The following INTS2 variants were observed in gnomAD, a reference collection of about 807,000 sequenced individuals.
The protein encoded by INTS2 is KIAA1287.
INTS2 carries 57 observed loss-of-function variants against 139.6 expected under a neutral mutation model. The observed-to-expected ratio is 0.41, with a 90% CI of 0.33 to 0.51. The LOEUF (loss-of-function observed/expected upper bound fraction) is 0.51, where lower values mean the gene tolerates loss of function less well. Ranked by LOEUF, INTS2 falls within the 20% of genes least tolerant of loss-of-function variation. The pLI, the probability that INTS2 is intolerant of heterozygous loss-of-function variation, is 0.28. For synonymous variants in INTS2, 473 were observed against 493.4 expected (o/e 0.96, Z 0.55); for missense variants, 1,196 against 1,436.7 (o/e 0.83, Z 2.71).
intron 4 of INTS2, 105 bp downstream of exon 4, chr17:61,921,620 G>T: frequency 2.0e-6 from 1 of 498,110 alleles, no homozygotes; most frequent in Non-Finnish European, 3.6e-6. Context: ...TAACATGTTT[G>T]TTATATGATC....
In INTS2 at chr17:61,871,656, G is replaced by A. The variant is rs540429392; in HGVS notation, c.2778+609C>T. Reference sequence around the variant, plus strand: ...CAGTAAATATTGGTTGAATGAGGCCGGGTGCCGTGGCTCATGCCTGTAATC... The same window carrying A: ...CAGTAAATATTGGTTGAATGAGGCCAGGTGCCGTGGCTCATGCCTGTAATC... On this transcript the variant is annotated intron_variant, in intron 20 of 24. Transcript: ENST00000251334. This position sits in a 1 kb window ranked among gnomAD's most constrained non-coding sequence, Gnocchi z 4.9. 3.9e-5 allele frequency among the ~76,000 whole-genome samples: 6 copies of A among 152,056 alleles called. No homozygotes were observed. The highest frequency in any genetic ancestry group is 1.9e-4 in the East Asian group (1 of 5,168).
At chr17:61,911,369 C>G (rs769199656) in intron 7 of INTS2, 151 bp downstream of exon 7, 15 of 549,254 alleles carry the variant, frequency 2.7e-5, no homozygotes, top group Non-Finnish European at 4.5e-5. Flanking sequence ...CTTTGGTATC[C>G]TTAGTGATTT....
rs2079073379 is a variant in INTS2, at chr17:61,869,670, A to C, written c.3030+67T>G. On this transcript the variant is annotated intron_variant, in intron 21 of 24. Transcript: ENST00000251334. This position sits in a 1 kb window ranked among gnomAD's most constrained non-coding sequence, Gnocchi z 5.4. ...TCTGGTTTCTAAATGATCCCTGTTAATATAGTATTCAAAGCCCCCAAGAAA... is the reference window on the plus strand; with the variant it reads ...TCTGGTTTCTAAATGATCCCTGTTACTATAGTATTCAAAGCCCCCAAGAAA... The C allele has an allele frequency of 1.3e-6, 2 of 1,529,166 alleles. No homozygotes were observed. The highest frequency in any genetic ancestry group is 2.4e-5 in the South Asian group (2 of 82,576). The allele number at this position is 1,529,166 out of a possible 1,614,324, so 94.7% of individuals were successfully genotyped here. A position where few individuals can be genotyped will look rare whatever the true frequency, so the allele number is the denominator to read the frequency against.
In INTS2 at chr17:61,895,426, G is replaced by GAA. The variant is rs768353688; in HGVS notation, c.1495-45_1495-44dup. On this transcript the variant is annotated intron_variant, in intron 11 of 24. Coordinates refer to ENST00000251334, the MANE Select transcript of INTS2 (RefSeq NM_001351695.2). ...ATTCCAACAGCATGTAAAAATATAT[G>GAA]AAACACAATTTATTCTAGGGAACTT... 4 of 1,190,568 alleles carry GAA rather than the reference G, an allele frequency of 3.4e-6. No homozygotes were observed. The East Asian group carries it at 9.9e-5, about 30-fold the overall frequency. The allele number at this position is 1,190,568 out of a possible 1,614,324, so 73.8% of individuals were successfully genotyped here. A position where few individuals can be genotyped will look rare whatever the true frequency, so the allele number is the denominator to read the frequency against.
At chr17:61,923,083 A>G (rs927505727) in intron 3 of INTS2, among the ~76,000 whole-genome samples, 10 of 152,114 alleles carry the variant, frequency 6.6e-5, no homozygotes, top group Admixed American at 6.6e-4. Flanking sequence ...TCTCAAAAAA[A>G]CAAACAAAAA....
In INTS2 at chr17:61,866,866, T is replaced by C. The variant is rs1319750140; in HGVS notation, c.*691A>G. 1 of 152,236 alleles carries C rather than the reference T, an allele frequency of 6.6e-6. No homozygotes were observed. The highest frequency in any genetic ancestry group is 1.5e-5 in the Non-Finnish European group (1 of 68,034). The allele number at this position is 152,236 out of a possible 1,614,324, so 9.4% of individuals were successfully genotyped here. On this transcript the variant is annotated 3_prime_UTR_variant, in exon 25 of 25. Coordinates refer to ENST00000251334, the MANE Select transcript of INTS2 (RefSeq NM_001351695.2). ...ACACCAGTATCTTAAAATTCCAAAT[T>C]ATTCAAGTATCTCTTTAAACATATG...
intron 12 of INTS2, among the ~76,000 whole-genome samples, chr17:61,894,789 A>G (rs571548948): frequency 2.0e-5 from 3 of 152,234 alleles, no homozygotes; most frequent in African/African-American, 7.2e-5. Context: ...CAGAGGTTGC[A>G]GTAAGCTATG....
Position 61,868,049 on chromosome 17 carries a change from A to G in INTS2, c.3245-40T>C, listed in dbSNP as rs1241449941. 6.8e-7 allele frequency: 1 copy of G among 1,461,330 alleles called. No homozygotes were observed. Among genetic ancestry groups the G allele is most frequent in the African/African-American group, 1.4e-5 (1 of 70,360 alleles). The allele number at this position is 1,461,330 out of a possible 1,614,324, so 90.5% of individuals were successfully genotyped here. ...TGAAACAATATTTTAGTTTACAAAT[A>G]TAAATTCAACACAGCTTACACAACA... On this transcript the variant is annotated intron_variant, in intron 23 of 24. Coordinates refer to ENST00000251334, the MANE Select transcript of INTS2 (RefSeq NM_001351695.2). The surrounding 1 kb of genome is among the most constrained non-coding windows in gnomAD (Gnocchi z 4.7).
chr17:61,912,301 A>G (rs1390834145), intron 5 of INTS2, among the ~76,000 whole-genome samples: 1 of 150,624 alleles, frequency 6.6e-6, no homozygotes, highest in Non-Finnish European at 1.5e-5. Context: ...GTACGAGACA[A>G]AAATACATTT....
In INTS2 at chr17:61,927,910, G is replaced by C. The variant is rs1266328586; in HGVS notation, c.-275C>G. ...GGACTGTAGGAACGGAAAAGCGGGAGACTTTTTCAACCTGCACCCAGCACC... is the reference window on the plus strand; with the variant it reads ...GGACTGTAGGAACGGAAAAGCGGGACACTTTTTCAACCTGCACCCAGCACC... On this transcript the variant is annotated 5_prime_UTR_variant, in exon 1 of 25. Coordinates refer to ENST00000251334, the MANE Select transcript of INTS2 (RefSeq NM_001351695.2). The C allele has an allele frequency of 1.9e-6, 3 of 1,613,956 alleles. No individual in the cohort carries two copies. The highest frequency in any genetic ancestry group is 2.5e-6 in the Non-Finnish European group (3 of 1,179,882).
intron 17 of INTS2, among the ~76,000 whole-genome samples, chr17:61,879,330 C>T (rs2079157241): frequency 6.6e-6 from 1 of 151,908 alleles, no homozygotes; most frequent in Non-Finnish European, 1.5e-5. Flanking sequence ...AGGTGGTCCC[C>T]TTATAGGATG....
rs2079502209 is a variant in INTS2, at chr17:61,909,618, G to A, written c.954+1902C>T. On this transcript the variant is annotated intron_variant, in intron 7 of 24. Transcript: ENST00000251334. The surrounding 1 kb of genome is among the most constrained non-coding windows in gnomAD (Gnocchi z 4.9). Reference sequence around the variant, plus strand: ...TTATCCCACTCGCTTATGTCCATGTGTACACATGATTAGCACCCACTCATA... The same window carrying A: ...TTATCCCACTCGCTTATGTCCATGTATACACATGATTAGCACCCACTCATA... Among the ~76,000 whole-genome samples the A allele has an allele frequency of 6.6e-6, 1 of 151,892 alleles. No individual in the cohort carries two copies.
chr17:61,869,956 A>G lies in INTS2; in HGVS notation c.2811T>C (p.Ile937=). 6.2e-7 allele frequency: 1 copy of G among 1,613,754 alleles called. No individual in the cohort carries two copies. Among genetic ancestry groups the G allele is most frequent in the Non-Finnish European group, 8.5e-7 (1 of 1,179,762 alleles). The part of the protein sequence containing the change: ...DSAAVQILLE[I]CLPTEEEKAN... ...CTTTCTCCTCTTCAGTAGGTAGGCAAATCTCTAAGAGAATCTGGACAGCTG... is the reference window on the plus strand; with the variant it reads ...CTTTCTCCTCTTCAGTAGGTAGGCAGATCTCTAAGAGAATCTGGACAGCTG... Residue 937 remains isoleucine, a synonymous_variant, in exon 21 of 25, where the codon ATT becomes ATC. Transcript: ENST00000251334. The surrounding 1 kb of genome is among the most constrained non-coding windows in gnomAD (Gnocchi z 5.4).
rs1340975434 is a variant in INTS2, at chr17:61,909,307, C to T, written c.955-1673G>A. On this transcript the variant is annotated intron_variant, in intron 7 of 24. Transcript: ENST00000251334. This position sits in a 1 kb window ranked among gnomAD's most constrained non-coding sequence, Gnocchi z 4.9. ...TGTATTTTTAGTAGAGACAGGGTTT[C>T]ACCATGTTGGCCAGGATGGTCTCCC... is the stretch of plus-strand genomic sequence containing the variant. 6.6e-6 allele frequency among the ~76,000 whole-genome samples: 1 copy of T among 152,136 alleles called. No homozygotes were observed. The highest frequency in any genetic ancestry group is 1.5e-5 in the Non-Finnish European group (1 of 68,028).
chr17:61,882,188 C>T lies in INTS2; in HGVS notation c.2090-1017G>A, dbSNP rs1016951191. Among the ~76,000 whole-genome samples, 1 of 152,182 alleles carries T rather than the reference C, an allele frequency of 6.6e-6. No homozygotes were observed. Among genetic ancestry groups the T allele is most frequent in the African/African-American group, 2.4e-5 (1 of 41,430 alleles). ...ATACAAAGTAAGCAATGCCTCCATT[C>T]TACTGTAAGGAACAAACAATGCTGA... is the stretch of plus-strand genomic sequence containing the variant. On this transcript the variant is annotated intron_variant, in intron 16 of 24. Transcript: ENST00000251334. This position sits in a 1 kb window ranked among gnomAD's most constrained non-coding sequence, Gnocchi z 4.7.
At chr17:61,915,253 G>A (rs915638947) in intron 5 of INTS2, among the ~76,000 whole-genome samples, 29 of 151,646 alleles carry the variant, frequency 1.9e-4, no homozygotes, top group Non-Finnish European at 4.1e-4. Context: ...CAGGAGAATC[G>A]CTTGAACTGG....
intron 15 of INTS2, among the ~76,000 whole-genome samples, chr17:61,889,252 AATTTTTGT>A (rs2079264522): frequency 6.6e-6 from 1 of 151,356 alleles, no homozygotes; most frequent in Admixed American, 6.6e-5. Context: ...ACACCTGGCT[AATTTTTGT>A]ATTTTTAGTA....
rs1393940992 is a variant in INTS2 at position 61,922,529 on chromosome 17, T to TATAC, written c.433-703_433-702insGTAT. On this transcript the variant is annotated intron_variant, in intron 3 of 24. Transcript: ENST00000251334. ...AAACAAACATATATATATATATATA[T>TATAC]ATATATATATATATATACGTGTTCA... is the stretch of plus-strand genomic sequence containing the variant. Among the ~76,000 whole-genome samples the TATAC allele has an allele frequency of 1.7e-5, 2 of 114,364 alleles. 1 individual carries two copies. Among genetic ancestry groups the TATAC allele is most frequent in the Non-Finnish European group, 3.2e-5 (2 of 62,052 alleles). The allele number at this position is 114,364 out of a possible 152,430, so 75.0% of individuals were successfully genotyped here.
chr17:61,924,138 T>G (rs1167923513), intron 3 of INTS2, among the ~76,000 whole-genome samples: 1 of 152,198 alleles, frequency 6.6e-6, no homozygotes, highest in Non-Finnish European at 1.5e-5. Context: ...TAGCCAATCA[T>G]CCTACATTCA....
Sources: allele counts gnomAD v4.1 joint callset (sites outside exome capture counted in the v4.1 genomes callset), GRCh38; gene constraint gnomAD v4.1.1; non-coding constraint Gnocchi (gnomAD v3.1); transcripts MANE v1.5; gene names NCBI Gene and HGNC (gene_info 2026-07-23, HGNC 2026-07-21).